The following NCOA5 variants were observed in gnomAD, a reference collection of about 807,000 sequenced individuals.
NCOA5 encodes NCoA-5.
A neutral mutation model predicts 59.0 loss-of-function variants in NCOA5; 12 were observed. That is an observed-to-expected ratio of 0.20 (90% CI 0.13 to 0.33). NCOA5 has a LOEUF of 0.33. NCOA5 is among the 10% of genes least tolerant of loss of function. The probability of loss-of-function intolerance (pLI) is 1.00; values close to 1 mark genes in which losing one functional copy is unlikely to be tolerated. For missense variants in NCOA5, 655 were observed against 766.6 expected, an observed-to-expected ratio of 0.85 and a Z score of 1.72; for synonymous variants, 270 against 275.5, an observed-to-expected ratio of 0.98 and a Z score of 0.20.
intron 1 of NCOA5, among the ~76,000 whole-genome samples, chr20:46,081,527 T>G (rs948147963): frequency 1.3e-5 from 2 of 152,142 alleles, no homozygotes; most frequent in African/African-American, 4.8e-5. Context: ...TATTCAAGAT[T>G]ATATCTTTAA....
chr20:46,082,714 A>G (rs2035904146), intron 1 of NCOA5, among the ~76,000 whole-genome samples: 2 of 152,194 alleles, frequency 1.3e-5, no homozygotes, highest in African/African-American at 4.8e-5. Context: ...ATAGTGTCCA[A>G]GTGGTGGTCT....
intron 1 of NCOA5, among the ~76,000 whole-genome samples, chr20:46,087,922 G>A (rs930442445): frequency 1.3e-5 from 2 of 151,862 alleles, no homozygotes; most frequent in Non-Finnish European, 2.9e-5. Flanking sequence ...TCATACCAAG[G>A]TAACCCCAAA....
intron 1 of NCOA5, 31 bp from the exon 2 acceptor site, chr20:46,079,484 T>C: frequency 1.3e-6 from 2 of 1,533,922 alleles, no homozygotes. Flanking sequence ...ATCTGTTCAA[T>C]GCTACGGAAT....
chr20:46,079,838 G>C (rs981381021), intron 1 of NCOA5, among the ~76,000 whole-genome samples: 1 of 152,168 alleles, frequency 6.6e-6, no homozygotes, highest in African/African-American at 2.4e-5. Context: ...GGGAAGATAA[G>C]GAGAGTTTAA....
chr20:46,065,421 G>A (rs1005682265), intron 5 of NCOA5, among the ~76,000 whole-genome samples, 193 bp from the exon 6 acceptor site: 1 of 152,126 alleles, frequency 6.6e-6, no homozygotes, highest in African/African-American at 2.4e-5. Context: ...TTGAGATCAC[G>A]TCAGAAGTTG....
chr20:46,072,958 T>C (rs1437222089), intron 2 of NCOA5, among the ~76,000 whole-genome samples: 1 of 152,248 alleles, frequency 6.6e-6, no homozygotes, highest in African/African-American at 2.4e-5. Flanking sequence ...GCTCTATATG[T>C]ATGTTGAATG....
At position 46,065,083 on chromosome 20, in the gene NCOA5, G is replaced by T; in HGVS notation, c.775C>A (p.Gln259Lys). ...GTGCAGGAGCGGTGAATCTGGTGTT[G>T]CTGGGTGATGACAATAGCAAAAGGA... ...GSPFAIVITQ[Q>K]HQIHRSCTVN... Residue 259 changes from glutamine to lysine, a missense_variant, in exon 6 of 8, where the codon CAA becomes AAA. Transcript: ENST00000290231. 1 of 1,614,216 alleles carries T rather than the reference G, an allele frequency of 6.2e-7. No homozygotes were observed.
intron 2 of NCOA5, among the ~76,000 whole-genome samples, chr20:46,073,273 T>C (rs1056957624): frequency 5.3e-5 from 8 of 152,214 alleles, no homozygotes; most frequent in Admixed American, 6.5e-5. Context: ...CAAAAACAAT[T>C]TAAATGCCAA....
At position 46,085,387 on chromosome 20, in the gene NCOA5, T is replaced by G. The variant is rs199696759; in HGVS notation, c.-30+4430A>C. Reference sequence around the variant, plus strand: ...AAGTACACAGATAATTACAATACAATCTAAAGTGGGATTATGGCAGAGATA... The same window carrying G: ...AAGTACACAGATAATTACAATACAAGCTAAAGTGGGATTATGGCAGAGATA... On this transcript the variant is annotated intron_variant, in intron 1 of 7. Transcript: ENST00000290231. Among the ~76,000 whole-genome samples, 3 of 151,850 alleles carry G rather than the reference T, an allele frequency of 2.0e-5. No homozygotes were observed. In the East Asian group the frequency reaches 5.8e-4, roughly 29 times the overall value.
At chr20:46,063,259 C>T (rs2084786954) in intron 7 of NCOA5, 101 bp downstream of exon 7, 1 of 1,230,580 alleles carries the variant, frequency 8.1e-7, no homozygotes, top group Non-Finnish European at 1.1e-6. Flanking sequence ...AGTTCCCTTA[C>T]CCACTCCAAA....
chr20:46,072,220 A>T (rs1222304416), intron 2 of NCOA5, among the ~76,000 whole-genome samples: 1 of 152,176 alleles, frequency 6.6e-6, no homozygotes, highest in Admixed American at 6.5e-5. Context: ...CTTCTAAAGC[A>T]GTCTCCTCAT....
intron 1 of NCOA5, 25 bp from the exon 2 acceptor site, chr20:46,079,478 G>A: frequency 6.4e-7 from 1 of 1,552,606 alleles, no homozygotes; most frequent in Non-Finnish European, 8.9e-7. Context: ...CAACCCATCT[G>A]TTCAATGCTA....
chr20:46,084,509 A>G (rs1441177250), intron 1 of NCOA5, among the ~76,000 whole-genome samples: 5 of 152,214 alleles, frequency 3.3e-5, no homozygotes, highest in Non-Finnish European at 5.9e-5. Context: ...CTCAAACTAC[A>G]GTGTTTCTGG....
At chr20:46,080,534 T>C (rs952670396) in intron 1 of NCOA5, among the ~76,000 whole-genome samples, 5 of 152,154 alleles carry the variant, frequency 3.3e-5, no homozygotes, top group African/African-American at 1.2e-4. Flanking sequence ...ATTTTAAAAA[T>C]CCCAACCAGA....
rs538172411 is a variant in NCOA5 at position 46,079,433 on chromosome 20, T to C, written c.-9A>G. Reference sequence around the variant, plus strand: ...GATGGAGCCGTATTCATATTTCTTCTTTCCGCTGCCTTATTAATATCTGAA... The same window carrying C: ...GATGGAGCCGTATTCATATTTCTTCCTTCCGCTGCCTTATTAATATCTGAA... On this transcript the variant is annotated 5_prime_UTR_variant, in exon 2 of 8. Transcript: ENST00000290231. 4.6e-4 allele frequency: 735 copies of C among 1,613,958 alleles called. 8 individuals carry two copies. The South Asian group carries it at 7.2e-3, about 16-fold the overall frequency.
At chr20:46,081,173 A>G (rs181989072) in intron 1 of NCOA5, among the ~76,000 whole-genome samples, 17 of 152,250 alleles carry the variant, frequency 1.1e-4, no homozygotes, top group African/African-American at 3.8e-4. Flanking sequence ...ACATAACTTC[A>G]GCAGGAGTTC....
At chr20:46,083,152 T>C (rs2085009525) in intron 1 of NCOA5, among the ~76,000 whole-genome samples, 1 of 152,210 alleles carries the variant, frequency 6.6e-6, no homozygotes, top group African/African-American at 2.4e-5. Flanking sequence ...AGGAGGCCAT[T>C]GCTTTGGACT....
At chr20:46,088,531 A>G (rs145563051) in intron 1 of NCOA5, among the ~76,000 whole-genome samples, 1 of 152,386 alleles carries the variant, frequency 6.6e-6, no homozygotes, top group East Asian at 1.9e-4. Context: ...AGAGTTGTCA[A>G]AACTCACAAA....
chr20:46,085,873 G>A (rs986710075), intron 1 of NCOA5, among the ~76,000 whole-genome samples: 18 of 152,328 alleles, frequency 1.2e-4, no homozygotes, highest in African/African-American at 4.3e-4. Flanking sequence ...ATCCCCAAAT[G>A]CGGTGAGGGA....
Sources: allele counts gnomAD v4.1 joint callset (sites outside exome capture counted in the v4.1 genomes callset), GRCh38; gene constraint gnomAD v4.1.1; transcripts MANE v1.5; gene names NCBI Gene and HGNC (gene_info 2026-07-23, HGNC 2026-07-21).